The following DMXL1 variants were observed in gnomAD, a reference collection of about 807,000 sequenced individuals.
DMXL1 encodes the protein Dmx like 1, also known as dmX-like protein 1.
In DMXL1, 99 loss-of-function variants were observed where a neutral mutation model predicts 319.2. That is an observed-to-expected ratio of 0.31 (90% CI 0.26 to 0.37). The LOEUF is 0.37. Among genes scored for constraint, DMXL1 ranks in the 10% least tolerant of loss-of-function variants. DMXL1 has a pLI of 1.00. For synonymous variants in DMXL1, 1,385 were observed against 1,235.2 expected (o/e 1.12, Z -2.54); for missense variants, 3,745 against 3,595.6 (o/e 1.04, Z -1.06).
intron 34 of DMXL1, among the ~76,000 whole-genome samples, chr5:119,208,888 C>G (rs988345267): frequency 6.6e-6 from 1 of 152,126 alleles, no homozygotes; most frequent in East Asian, 1.9e-4. Context: ...CCCCAGGCAG[C>G]TACCAAACTT....
intron 34 of DMXL1, among the ~76,000 whole-genome samples, chr5:119,207,638 C>T (rs895796669): frequency 6.6e-6 from 1 of 152,186 alleles, no homozygotes; most frequent in Non-Finnish European, 1.5e-5. Flanking sequence ...CCTGCCTCAA[C>T]CTCCCTAGTA....
In DMXL1 at chr5:119,167,625, A is replaced by C; in HGVS notation, c.5159A>C (p.Asp1720Ala). The C allele has an allele frequency of 6.2e-7, 1 of 1,603,440 alleles. No homozygotes were observed. The highest frequency in any genetic ancestry group is 8.5e-7 in the Non-Finnish European group (1 of 1,174,130). Residue 1720 changes from aspartate to alanine, a missense_variant, in exon 23 of 44, where the codon GAC becomes GCC. By Grantham distance (126) the Asp-to-Ala change is moderately radical. Coordinates refer to ENST00000539542, the MANE Select transcript of DMXL1 (RefSeq NM_001290321.3). Reference sequence around the variant, plus strand: ...AAGGTATGTCTTGAGAAATTGAATGACATTCAGTTGGCTCTTGTAATAGCA... The same window carrying C: ...AAGGTATGTCTTGAGAAATTGAATGCCATTCAGTTGGCTCTTGTAATAGCA... ...AIEVCLEKLN[D>A]IQLALVIARL...
chr5:119,239,015 C>T lies in DMXL1; in HGVS notation c.8586C>T (p.Ala2862=). 1 of 1,613,786 alleles carries T rather than the reference C, an allele frequency of 6.2e-7. No homozygotes were observed. The highest frequency in any genetic ancestry group is 8.5e-7 in the Non-Finnish European group (1 of 1,179,910). Residue 2862 remains alanine, a synonymous_variant, in exon 41 of 44, where the codon GCC becomes GCT. Transcript: ENST00000539542. Reference sequence around the variant, plus strand: ...CTTGGCAGTGTCATAACAAAACAGCCAATGATTTTGTCTTCGTTAGTTCCT... The same window carrying T: ...CTTGGCAGTGTCATAACAAAACAGCTAATGATTTTGTCTTCGTTAGTTCCT... ...YLTWQCHNKT[A]NDFVFVSSSS...
intron 4 of DMXL1, among the ~76,000 whole-genome samples, chr5:119,107,407 G>T (rs567252278): frequency 1.3e-5 from 2 of 151,916 alleles, no homozygotes; most frequent in Non-Finnish European, 2.9e-5. Context: ...AAAACTATTG[G>T]TAAACTGATT....
intron 39 of DMXL1, among the ~76,000 whole-genome samples, chr5:119,235,988 C>A (rs979284848): frequency 6.6e-6 from 1 of 151,876 alleles, no homozygotes; most frequent in Non-Finnish European, 1.5e-5. Flanking sequence ...AAGGAATAGA[C>A]CTGGGAAAAT....
intron 38 of DMXL1, among the ~76,000 whole-genome samples, chr5:119,231,323 G>C (rs755432747): frequency 4.6e-5 from 7 of 152,150 alleles, no homozygotes; most frequent in Non-Finnish European, 8.8e-5. Context: ...CTTAAATTCA[G>C]ATGAACCCAT....
intron 13 of DMXL1, among the ~76,000 whole-genome samples, chr5:119,136,233 A>T (rs1437543350): frequency 6.6e-6 from 1 of 152,236 alleles, no homozygotes. Context: ...GATTTAGGTT[A>T]TCTGGCAGAA....
intron 30 of DMXL1, among the ~76,000 whole-genome samples, chr5:119,195,887 C>T (rs1315235838): frequency 6.6e-6 from 1 of 152,122 alleles, no homozygotes; most frequent in African/African-American, 2.4e-5. Flanking sequence ...TTACTCTATC[C>T]AATTTCTTCT....
intron 37 of DMXL1, among the ~76,000 whole-genome samples, chr5:119,221,645 A>G (rs981526239): frequency 2.0e-5 from 3 of 152,166 alleles, no homozygotes; most frequent in African/African-American, 7.2e-5. Context: ...GTAAATGCCC[A>G]TAAAGCCAAA....
At chr5:119,110,101 A>C (rs1403111950) in intron 4 of DMXL1, 50 bp from the exon 5 acceptor site, 1 of 1,468,216 alleles carries the variant, frequency 6.8e-7, no homozygotes, top group Non-Finnish European at 9.1e-7. Context: ...ATGTAAATTA[A>C]GTCACTATTA....
At chr5:119,225,794 C>T (rs561768759) in intron 38 of DMXL1, among the ~76,000 whole-genome samples, 4 of 152,072 alleles carry the variant, frequency 2.6e-5, no homozygotes, top group Non-Finnish European at 4.4e-5. Flanking sequence ...GTTTTCACTA[C>T]ATCAAATTTA....
At chr5:119,145,971 C>G (rs930093007) in intron 15 of DMXL1, among the ~76,000 whole-genome samples, 15 of 151,564 alleles carry the variant, frequency 9.9e-5, no homozygotes, top group Non-Finnish European at 2.2e-4. Context: ...AATCTTTATC[C>G]TTTTCTCTTA....
intron 10 of DMXL1, among the ~76,000 whole-genome samples, chr5:119,130,111 T>C (rs1274498512): frequency 6.6e-6 from 1 of 152,070 alleles, no homozygotes; most frequent in African/African-American, 2.4e-5. Context: ...TAAAGTTTTG[T>C]TTTAATTTGT....
chr5:119,166,515 G>A (rs1773474673), intron 21 of DMXL1, 101 bp from the exon 22 acceptor site: 2 of 984,540 alleles, frequency 2.0e-6, no homozygotes, highest in Non-Finnish European at 1.5e-6. Flanking sequence ...ACTGGCAGAT[G>A]TTTCTATTTA....
intron 29 of DMXL1, among the ~76,000 whole-genome samples, chr5:119,192,322 C>G (rs933724490): frequency 6.6e-6 from 1 of 152,176 alleles, no homozygotes; most frequent in South Asian, 2.1e-4. Context: ...CTTCTCTACT[C>G]TCCCCTGTGT....
chr5:119,173,348 C>T (rs1325353930), intron 25 of DMXL1, among the ~76,000 whole-genome samples: 21 of 143,894 alleles, frequency 1.5e-4, no homozygotes, highest in Admixed American at 4.8e-4. Flanking sequence ...GCCCACCCCC[C>T]GCCAAAAAAA....
At chr5:119,082,737 C>G (rs1426726436) in intron 1 of DMXL1, among the ~76,000 whole-genome samples, 3 of 152,246 alleles carry the variant, frequency 2.0e-5, no homozygotes, top group African/African-American at 2.4e-5. Flanking sequence ...TTGAATTCGT[C>G]TAGCTGTTTT....
chr5:119,073,354 G>C (rs1400060452), intron 1 of DMXL1, among the ~76,000 whole-genome samples: 1 of 152,170 alleles, frequency 6.6e-6, no homozygotes, highest in African/African-American at 2.4e-5. Flanking sequence ...GAGCCACCAT[G>C]CCCAGCCCTA....
intron 30 of DMXL1, among the ~76,000 whole-genome samples, chr5:119,195,716 A>G (rs1275760463): frequency 2.0e-5 from 3 of 152,108 alleles, no homozygotes; most frequent in African/African-American, 7.2e-5. Context: ...AATGGCCAAA[A>G]TGGTAAATTT....
Sources: allele counts gnomAD v4.1 joint callset (sites outside exome capture counted in the v4.1 genomes callset), GRCh38; gene constraint gnomAD v4.1.1; transcripts MANE v1.5; gene names NCBI Gene and HGNC (gene_info 2026-07-23, HGNC 2026-07-21).